EXOC6B: variants seen among roughly 807,000 people sequenced by gnomAD.
The protein encoded by EXOC6B is exocyst complex component 6B, also known as SEC15 homolog B.
Under a neutral mutation model 113.5 loss-of-function variants are expected in EXOC6B, and 54 were observed. The ratio of observed to expected loss-of-function variants is 0.48; its 90% CI spans 0.38 to 0.60. The LOEUF (loss-of-function observed/expected upper bound fraction) is 0.60. Among genes scored for constraint, EXOC6B ranks in the 20% least tolerant of loss-of-function variants. The pLI is 0.00. For synonymous variants in EXOC6B, 357 were observed against 339.0 expected, an observed-to-expected ratio of 1.05 and a Z score of -0.58; for missense variants, 797 against 977.5, an observed-to-expected ratio of 0.82 and a Z score of 2.46.
chr2:72,818,441 G>A (rs560369088), intron 1 of EXOC6B, among the ~76,000 whole-genome samples: 8 of 151,448 alleles, frequency 5.3e-5, no homozygotes, highest in South Asian at 4.2e-4. Flanking sequence ...AATTACAGGC[G>A]TGAGCCACCG....
intron 20 of EXOC6B, among the ~76,000 whole-genome samples, chr2:72,190,793 C>T (rs1250211729): frequency 6.6e-6 from 1 of 152,104 alleles, no homozygotes; most frequent in Non-Finnish European, 1.5e-5. Context: ...TGATTATATT[C>T]TTGATTTATT....
intron 20 of EXOC6B, among the ~76,000 whole-genome samples, chr2:72,305,364 A>ATGTATATGTATT (rs1553370859): frequency 1.3e-3 from 195 of 151,464 alleles, no homozygotes; most frequent in African/African-American, 4.6e-3. Flanking sequence ...GTATATGTAT[A>ATGTATATGTATT]TGTATATGTG....
At chr2:72,514,591 TAAATAAATAAATAA>T (rs1247771645) in intron 10 of EXOC6B, 29 bp downstream of exon 10, 3 of 238,952 alleles carry the variant, frequency 1.3e-5, no homozygotes, top group African/African-American at 2.9e-5. Context: ...AATAAATAAA[TAAATAAATAAATAA>T]ATATATATAT....
intron 12 of EXOC6B, 68 bp from the exon 13 acceptor site, chr2:72,498,619 T>C: frequency 9.7e-7 from 1 of 1,032,596 alleles, no homozygotes; most frequent in South Asian, 1.6e-5. Context: ...TTTTTTTTTT[T>C]TGGCAAAATG....
At chr2:72,212,218 ACATTG>A (rs1680240062) in intron 20 of EXOC6B, among the ~76,000 whole-genome samples, 1 of 152,208 alleles carries the variant, frequency 6.6e-6, no homozygotes, top group African/African-American at 2.4e-5. Context: ...AGGAGCAAAA[ACATTG>A]TTTTCAAAGG....
chr2:72,538,253 G>A (rs1025694737), intron 8 of EXOC6B, among the ~76,000 whole-genome samples: 1 of 152,056 alleles, frequency 6.6e-6, no homozygotes, highest in Non-Finnish European at 1.5e-5. Flanking sequence ...GTGAGCCACT[G>A]CCCAAGAAAT....
At chr2:72,408,508 CA>C (rs1558639417) in intron 18 of EXOC6B, among the ~76,000 whole-genome samples, 1 of 152,066 alleles carries the variant, frequency 6.6e-6, no homozygotes, top group East Asian at 1.9e-4. Context: ...GTACTGGTAC[CA>C]AAACAGAGAT....
intron 18 of EXOC6B, among the ~76,000 whole-genome samples, chr2:72,446,687 G>A (rs1462027429): frequency 1.3e-5 from 2 of 152,090 alleles, no homozygotes; most frequent in Admixed American, 6.5e-5. Flanking sequence ...CTTAATACCT[G>A]GGTGATGAAA....
In EXOC6B at chr2:72,291,188, C is replaced by A. The variant is rs138184617; in HGVS notation, c.2196+43759G>T. 5.5e-3 allele frequency among the ~76,000 whole-genome samples: 830 copies of A among 152,260 alleles called. 9 individuals are homozygous for A. The highest frequency in any genetic ancestry group is 0.019 in the African/African-American group (773 of 41,560). On this transcript the variant is annotated intron_variant, in intron 20 of 21. Coordinates refer to ENST00000272427, the MANE Select transcript of EXOC6B (RefSeq NM_015189.3). Reference sequence around the variant, plus strand: ...CCGAGGATATATTTTTAGTTTGTGGCAGAGTCAGGGTAAACGTGCAAGTTT... The same window carrying A: ...CCGAGGATATATTTTTAGTTTGTGGAAGAGTCAGGGTAAACGTGCAAGTTT...
chr2:72,466,392 G>A (rs181870494), intron 17 of EXOC6B, among the ~76,000 whole-genome samples: 67 of 151,098 alleles, frequency 4.4e-4, no homozygotes, highest in South Asian at 8.4e-4. Context: ...AGTAGGTCCA[G>A]GTTGAGACTC....
chr2:72,205,444 G>C (rs1170953717), intron 20 of EXOC6B, among the ~76,000 whole-genome samples: 2 of 151,790 alleles, frequency 1.3e-5, no homozygotes, highest in Non-Finnish European at 2.9e-5. Context: ...GCCTGCAAAA[G>C]GCCTGTGCTG....
chr2:72,369,312 A>AAGGAC, intron 19 of EXOC6B, among the ~76,000 whole-genome samples: 1 of 152,326 alleles, frequency 6.6e-6, no homozygotes, highest in East Asian at 1.9e-4. Flanking sequence ...AAGGGATGTG[A>AAGGAC]AGGACCTCTT....
chr2:72,218,966 A>G (rs1680700875), intron 20 of EXOC6B, among the ~76,000 whole-genome samples: 1 of 151,834 alleles, frequency 6.6e-6, no homozygotes, highest in Non-Finnish European at 1.5e-5. Context: ...ATTTCTTAAA[A>G]AAAAAAAAAG....
At chr2:72,631,485 G>T (rs1195668048) in intron 6 of EXOC6B, among the ~76,000 whole-genome samples, 10 of 33,344 alleles carry the variant, frequency 3.0e-4, no homozygotes, top group African/African-American at 4.4e-4. Flanking sequence ...GAGAGAGAGA[G>T]AGAGAGAGAG....
At chr2:72,637,774 A>G (rs1672955149) in intron 6 of EXOC6B, among the ~76,000 whole-genome samples, 1 of 151,362 alleles carries the variant, frequency 6.6e-6, no homozygotes, top group African/African-American at 2.4e-5. Flanking sequence ...TGGGTGACAC[A>G]GCAAGACTCT....
chr2:72,214,102 T>A (rs1386481226), intron 20 of EXOC6B, among the ~76,000 whole-genome samples: 2 of 152,150 alleles, frequency 1.3e-5, no homozygotes, highest in African/African-American at 4.8e-5. Context: ...AAGTCAAGAA[T>A]ACATCATTTC....
chr2:72,530,193 T>C (rs368229721), intron 8 of EXOC6B, among the ~76,000 whole-genome samples: 18 of 152,320 alleles, frequency 1.2e-4, no homozygotes, highest in African/African-American at 3.6e-4. Flanking sequence ...GCCTTTCTTT[T>C]CCTAGGTTTT....
chr2:72,626,759 G>C (rs867523764), intron 6 of EXOC6B, among the ~76,000 whole-genome samples: 11 of 152,172 alleles, frequency 7.2e-5, no homozygotes, highest in African/African-American at 2.7e-4. Context: ...TGAGAAGGAA[G>C]AGCGTTTTCC....
At chr2:72,582,810 T>C (rs555857880) in intron 6 of EXOC6B, among the ~76,000 whole-genome samples, 78 of 152,154 alleles carry the variant, frequency 5.1e-4, no homozygotes, top group African/African-American at 1.7e-3. Context: ...TGGGGAGTGA[T>C]GGGTAAGATG....
Sources: allele counts gnomAD v4.1 joint callset (sites outside exome capture counted in the v4.1 genomes callset), GRCh38; gene constraint gnomAD v4.1.1; transcripts MANE v1.5; gene names NCBI Gene and HGNC (gene_info 2026-07-23, HGNC 2026-07-21).